Variants in KCNIP4 observed in about 807,000 individuals in gnomAD.
KCNIP4 encodes the protein potassium voltage-gated channel interacting protein 4.
Under a neutral mutation model 34.0 loss-of-function variants are expected in KCNIP4, and 12 were observed. The observed-to-expected ratio is 0.35, with a 90% CI of 0.23 to 0.57. KCNIP4 has a LOEUF of 0.57. Ranked by LOEUF, KCNIP4 falls within the 20% of genes least tolerant of loss-of-function variation. The pLI is 0.83. For synonymous variants in KCNIP4, 124 were observed against 102.2 expected (o/e 1.21, Z -1.29); for missense variants, 238 against 311.7 (o/e 0.76, Z 1.78).
intron 1 of KCNIP4, among the ~76,000 whole-genome samples, chr4:21,191,244 T>C (rs1755625874): frequency 6.6e-6 from 1 of 152,222 alleles, no homozygotes; most frequent in South Asian, 2.1e-4. Flanking sequence ...GAACCTTGTG[T>C]ATTTGATAGC....
intron 3 of KCNIP4, among the ~76,000 whole-genome samples, chr4:20,835,148 T>G (rs935273300): frequency 7.9e-5 from 12 of 152,172 alleles, no homozygotes; most frequent in Admixed American, 2.0e-4. Context: ...TCAATGCCTG[T>G]TTTTTGAAGG....
intron 1 of KCNIP4, among the ~76,000 whole-genome samples, chr4:21,825,435 T>C (rs1000253653): frequency 6.6e-6 from 1 of 152,166 alleles, no homozygotes; most frequent in Non-Finnish European, 1.5e-5. Context: ...GACGATGATA[T>C]ACACTCTGTT....
rs539112928 is a variant in KCNIP4 at position 21,515,850 on chromosome 4, C to T, written c.61+432721G>A. ...TACAAGAAGGCCCTTGCTTGATGTT[C>T]ATCCTTCAGCCTTGGACTTCCAGAC... On this transcript the variant is annotated intron_variant, in intron 1 of 8. Transcript: ENST00000382152. Among the ~76,000 whole-genome samples, 15 of 152,278 alleles carry T rather than the reference C, an allele frequency of 9.9e-5. No homozygotes were observed. The East Asian group carries it at 1.5e-3, about 16-fold the overall frequency.
intron 1 of KCNIP4, among the ~76,000 whole-genome samples, chr4:21,014,819 T>A (rs897346053): frequency 6.6e-6 from 1 of 152,188 alleles, no homozygotes; most frequent in Non-Finnish European, 1.5e-5. Context: ...GCATTGTTCA[T>A]AGTAGCATTA....
chr4:21,410,373 G>A (rs1388293247), intron 1 of KCNIP4, among the ~76,000 whole-genome samples: 2 of 152,138 alleles, frequency 1.3e-5, no homozygotes, highest in Admixed American at 6.5e-5. Context: ...CACAGAATGT[G>A]GCAGAATTAG....
intron 1 of KCNIP4, among the ~76,000 whole-genome samples, chr4:21,793,810 T>C (rs947046734): frequency 3.9e-5 from 6 of 152,082 alleles, no homozygotes; most frequent in African/African-American, 1.4e-4. Context: ...TTATAAATCA[T>C]ACTGCCATAA....
intron 1 of KCNIP4, among the ~76,000 whole-genome samples, chr4:21,935,265 C>A (rs1560190054): frequency 6.6e-6 from 1 of 152,104 alleles, no homozygotes; most frequent in South Asian, 2.1e-4. Flanking sequence ...ACCTTTCCAC[C>A]TGGAAACTCT....
At chr4:21,506,845 G>A (rs1194483452) in intron 1 of KCNIP4, among the ~76,000 whole-genome samples, 1 of 152,006 alleles carries the variant, frequency 6.6e-6, no homozygotes, top group East Asian at 1.9e-4. Context: ...AGGCTGGAGT[G>A]CAGTGGCATG....
At chr4:21,146,593 A>G (rs182751763) in intron 1 of KCNIP4, among the ~76,000 whole-genome samples, 103 of 152,324 alleles carry the variant, frequency 6.8e-4, no homozygotes, top group Non-Finnish European at 1.2e-3. Context: ...TGTCACAGTC[A>G]TACAGTTCCC....
intron 1 of KCNIP4, among the ~76,000 whole-genome samples, chr4:21,653,818 T>A (rs1036031384): frequency 2.6e-5 from 4 of 152,198 alleles, no homozygotes; most frequent in Non-Finnish European, 5.9e-5. Flanking sequence ...GGAACTGGAC[T>A]TAGAATCCAA....
At chr4:21,525,559 G>A (rs1390851119) in intron 1 of KCNIP4, among the ~76,000 whole-genome samples, 1 of 152,066 alleles carries the variant, frequency 6.6e-6, no homozygotes, top group Non-Finnish European at 1.5e-5. Flanking sequence ...TTTACTCATT[G>A]GTATAGCGGC....
Position 21,241,143 on chromosome 4 carries a change from C to CA in KCNIP4, c.62-358435dup, listed in dbSNP as rs545560833. On this transcript the variant is annotated intron_variant, in intron 1 of 8. Coordinates refer to ENST00000382152, the MANE Select transcript of KCNIP4 (RefSeq NM_025221.6). ...TTGATGGTAGAGTTTGGTAAAAAGA[C>CA]AAAAAAAAAGGAAAAAGAATTTTCT... Among the ~76,000 whole-genome samples the CA allele has an allele frequency of 9.4e-4, 138 of 146,404 alleles. 1 individual carries two copies. The highest frequency in any genetic ancestry group is 1.8e-3 in the African/African-American group (71 of 39,840).
chr4:21,733,307 G>T (rs1715745373), intron 1 of KCNIP4, among the ~76,000 whole-genome samples: 1 of 152,140 alleles, frequency 6.6e-6, no homozygotes, highest in South Asian at 2.1e-4. Flanking sequence ...TTGATAAACA[G>T]TGAATCGTAT....
At chr4:21,299,104 G>T (rs1274036715) in intron 1 of KCNIP4, among the ~76,000 whole-genome samples, 1 of 151,960 alleles carries the variant, frequency 6.6e-6, no homozygotes, top group Non-Finnish European at 1.5e-5. Context: ...AAAGGATTTG[G>T]TGAAGATTAA....
At chr4:21,397,591 C>T (rs1232649088) in intron 1 of KCNIP4, among the ~76,000 whole-genome samples, 1 of 152,054 alleles carries the variant, frequency 6.6e-6, no homozygotes, top group Non-Finnish European at 1.5e-5. Flanking sequence ...TTACAGGATC[C>T]TTCAAAACAA....
Position 21,203,201 on chromosome 4 carries a change from GA to G in KCNIP4, c.62-320493del, listed in dbSNP as rs1052093234. Among the ~76,000 whole-genome samples the G allele has an allele frequency of 8.5e-5, 13 of 152,316 alleles. 1 individual carries two copies. The South Asian group carries it at 1.7e-3, about 19-fold the overall frequency. On this transcript the variant is annotated intron_variant, in intron 1 of 8. Transcript: ENST00000382152. Reference sequence around the variant, plus strand: ...TCCCAAGTACCTGCAATGTGGAATAGAAGGCTGTGTGTGGGCTCTGGACAGG... The same window carrying G: ...TCCCAAGTACCTGCAATGTGGAATAGAGGCTGTGTGTGGGCTCTGGACAGG...
At chr4:21,263,836 C>A (rs1047036587) in intron 1 of KCNIP4, among the ~76,000 whole-genome samples, 2 of 149,334 alleles carry the variant, frequency 1.3e-5, no homozygotes, top group Admixed American at 6.7e-5. Flanking sequence ...AATTTTTTTT[C>A]TTTTTTTGGT....
At chr4:21,036,330 T>G (rs1402356679) in intron 1 of KCNIP4, among the ~76,000 whole-genome samples, 1 of 152,176 alleles carries the variant, frequency 6.6e-6, no homozygotes, top group African/African-American at 2.4e-5. Flanking sequence ...TCTTATCCCT[T>G]AATTTATTAC....
rs539443815 is a variant in KCNIP4 at position 20,797,366 on chromosome 4, C to A, written c.289-38476G>T. Among the ~76,000 whole-genome samples, 78 of 152,252 alleles carry A rather than the reference C, an allele frequency of 5.1e-4. No homozygotes were observed. The South Asian group carries it at 0.012, about 23-fold the overall frequency. ...TGTGACTTCAGAGAGAATAATAGTA[C>A]ACCCTTGAGTCTACTGCAACAGTCT... On this transcript the variant is annotated intron_variant, in intron 3 of 8. Coordinates refer to ENST00000382152, the MANE Select transcript of KCNIP4 (RefSeq NM_025221.6).
Sources: allele counts gnomAD v4.1 joint callset (sites outside exome capture counted in the v4.1 genomes callset), GRCh38; gene constraint gnomAD v4.1.1; transcripts MANE v1.5; gene names NCBI Gene and HGNC (gene_info 2026-07-23, HGNC 2026-07-21).